The following ENPP6 variants were observed in gnomAD, a reference collection of about 807,000 sequenced individuals.
ENPP6 encodes the protein glycerophosphocholine cholinephosphodiesterase ENPP6.
In ENPP6, 32 loss-of-function variants were observed where a neutral mutation model predicts 42.0. The observed-to-expected ratio is 0.76, with a 90% CI of 0.58 to 1.02. The LOEUF (loss-of-function observed/expected upper bound fraction) is 1.02, where lower values mean the gene tolerates loss of function less well. ENPP6 is among the 50% of genes least tolerant of loss of function. ENPP6 has a pLI of 0.00. For synonymous variants in ENPP6, 213 were observed against 216.0 expected (o/e 0.99, Z 0.12); for missense variants, 552 against 566.8 (o/e 0.97, Z 0.27).
intron 2 of ENPP6, among the ~76,000 whole-genome samples, chr4:184,142,922 T>C (rs1736846829): frequency 6.6e-6 from 1 of 152,208 alleles, no homozygotes. Flanking sequence ...GAGGAATGAA[T>C]GACCACGACT....
intron 2 of ENPP6, among the ~76,000 whole-genome samples, chr4:184,140,314 C>T (rs2111367437): frequency 6.6e-6 from 1 of 151,586 alleles, no homozygotes; most frequent in South Asian, 2.1e-4. Flanking sequence ...GCCATACTGC[C>T]CAAGGTAATT....
chr4:184,167,543 C>T (rs967324903), intron 1 of ENPP6, among the ~76,000 whole-genome samples: 1 of 152,166 alleles, frequency 6.6e-6, no homozygotes, highest in Non-Finnish European at 1.5e-5. Context: ...TAATCAGGGA[C>T]GTTACCAGCT....
chr4:184,143,163 C>T (rs1736851285), intron 2 of ENPP6, among the ~76,000 whole-genome samples: 2 of 152,248 alleles, frequency 1.3e-5, no homozygotes, highest in South Asian at 2.1e-4. Context: ...ACTGAACCTA[C>T]CTGGCATGCA....
chr4:184,144,664 C>T (rs928956857), intron 2 of ENPP6, among the ~76,000 whole-genome samples: 7 of 152,226 alleles, frequency 4.6e-5, no homozygotes, highest in African/African-American at 1.7e-4. Context: ...AGGTCCTGAG[C>T]GCTGCTACCA....
At chr4:184,133,630 G>C (rs1736681214) in intron 2 of ENPP6, among the ~76,000 whole-genome samples, 1 of 151,202 alleles carries the variant, frequency 6.6e-6, no homozygotes. Flanking sequence ...CTAAATAGAA[G>C]TCATGCTAGG....
intron 1 of ENPP6, among the ~76,000 whole-genome samples, chr4:184,201,535 C>T (rs1373042186): frequency 6.6e-6 from 1 of 152,134 alleles, no homozygotes; most frequent in Non-Finnish European, 1.5e-5. Flanking sequence ...TACAGCTTTG[C>T]CCCCTACTCT....
intron 7 of ENPP6, among the ~76,000 whole-genome samples, chr4:184,093,336 G>A (rs973433342): frequency 6.6e-6 from 1 of 152,054 alleles, no homozygotes; most frequent in South Asian, 2.1e-4. Context: ...GTAAAAATTA[G>A]TTTTAAAAAA....
In ENPP6 at chr4:184,207,453, A is replaced by C. The variant is rs540043212; in HGVS notation, c.241+10126T>G. ...TTTATGTTAAACTCCACTTCAGTCA[A>C]ATGTGAATTTACCCCAAAGGGAGAA... On this transcript the variant is annotated intron_variant, in intron 1 of 7. Transcript: ENST00000296741. Among the ~76,000 whole-genome samples, 4 of 152,332 alleles carry C rather than the reference A, an allele frequency of 2.6e-5. No homozygotes were observed. In the East Asian group the frequency reaches 7.7e-4, roughly 29 times the overall value.
intron 6 of ENPP6, among the ~76,000 whole-genome samples, chr4:184,110,922 T>C (rs1736187045): frequency 6.6e-6 from 1 of 152,224 alleles, no homozygotes; most frequent in African/African-American, 2.4e-5. Flanking sequence ...TGCATCTTCA[T>C]GCCGGACGTG....
At chr4:184,199,784 G>A (rs1331471315) in intron 1 of ENPP6, among the ~76,000 whole-genome samples, 1 of 152,170 alleles carries the variant, frequency 6.6e-6, no homozygotes, top group East Asian at 1.9e-4. Context: ...GAGCTACTGT[G>A]ATCATAAAAC....
Position 184,145,048 on chromosome 4 carries a change from G to T in ENPP6, c.421+8506C>A, listed in dbSNP as rs74358621. On this transcript the variant is annotated intron_variant, in intron 2 of 7. Coordinates refer to ENST00000296741, the MANE Select transcript of ENPP6 (RefSeq NM_153343.4). ...CCCAGCAGGGCAGACCAGGTGGAGCGCCAGGAGGAGGAGGAGGAGGTGAGC... is the reference window on the plus strand; with the variant it reads ...CCCAGCAGGGCAGACCAGGTGGAGCTCCAGGAGGAGGAGGAGGAGGTGAGC... Among the ~76,000 whole-genome samples the T allele has an allele frequency of 5.9e-5, 9 of 152,326 alleles. No homozygotes were observed. In the East Asian group the frequency reaches 1.5e-3, roughly 26 times the overall value.
At chr4:184,158,259 T>C (rs1394733898) in intron 1 of ENPP6, among the ~76,000 whole-genome samples, 1 of 152,238 alleles carries the variant, frequency 6.6e-6, no homozygotes, top group Admixed American at 6.5e-5. Context: ...ACAAGTAGCT[T>C]AGACTCTCTG....
chr4:184,091,444 C>G, intron 7 of ENPP6, 62 bp from the exon 8 acceptor site: 3 of 1,456,436 alleles, frequency 2.1e-6, no homozygotes, highest in Non-Finnish European at 2.8e-6. Context: ...GTGGGCTGAA[C>G]GCAATAAAGA....
intron 2 of ENPP6, among the ~76,000 whole-genome samples, chr4:184,138,080 T>G (rs1736758833): frequency 6.6e-6 from 1 of 152,224 alleles, no homozygotes; most frequent in South Asian, 2.1e-4. Flanking sequence ...TTTTAGAAAT[T>G]ATCTTTACAT....
chr4:184,122,125 T>A (rs971360451), intron 3 of ENPP6, among the ~76,000 whole-genome samples: 6 of 152,216 alleles, frequency 3.9e-5, no homozygotes, highest in African/African-American at 1.2e-4. Flanking sequence ...TTTGGCAATA[T>A]GAAGACCCCA....
rs556750925 is a variant in ENPP6, at chr4:184,110,272, A to G, written c.993+2400T>C. 1.7e-4 allele frequency among the ~76,000 whole-genome samples: 26 copies of G among 152,248 alleles called. No homozygotes were observed. In the South Asian group the frequency reaches 5.4e-3, roughly 32 times the overall value. The stretch of plus-strand genomic sequence containing the variant: ...ATTGGGACCCCCTGGTCTGCACTTC[A>G]GCACAACTTCAGATCTCAGAACCAA... On this transcript the variant is annotated intron_variant, in intron 6 of 7. Transcript: ENST00000296741.
chr4:184,151,273 G>A (rs565501330), intron 2 of ENPP6, among the ~76,000 whole-genome samples: 4 of 152,372 alleles, frequency 2.6e-5, no homozygotes, highest in African/African-American at 9.6e-5. Flanking sequence ...GGGAGGCAGA[G>A]GTTACAGTGA....
chr4:184,145,236 C>G (rs1327776734), intron 2 of ENPP6, among the ~76,000 whole-genome samples: 2 of 152,228 alleles, frequency 1.3e-5, no homozygotes, highest in Non-Finnish European at 2.9e-5. Context: ...TCCCGAGTCC[C>G]TTCAGCCTTA....
At position 184,140,547 on chromosome 4, in the gene ENPP6, G is replaced by A. The variant is rs1283435247; in HGVS notation, c.421+13007C>T. On this transcript the variant is annotated intron_variant, in intron 2 of 7. Coordinates refer to ENST00000296741, the MANE Select transcript of ENPP6 (RefSeq NM_153343.4). The stretch of plus-strand genomic sequence containing the variant: ...GTACTGGTACCAAAACAGAGATATA[G>A]ATCAATGGAACAGAACAGAGCCCTC... 1.3e-3 allele frequency among the ~76,000 whole-genome samples: 168 copies of A among 127,474 alleles called. 1 individual carries two copies. The highest frequency in any genetic ancestry group is 2.5e-3 in the Non-Finnish European group (149 of 60,678). 83.6% of individuals were successfully genotyped at this position (127,474 alleles called of 152,430 possible).
Sources: gnomAD v4.1 joint callset for allele counts (sites outside exome capture counted in the v4.1 genomes callset) on GRCh38, gnomAD v4.1.1 for gene constraint, MANE v1.5 for transcripts, NCBI Gene and HGNC (gene_info 2026-07-23, HGNC 2026-07-21) for gene names.